Variants in RAPGEF2 observed in about 807,000 individuals in gnomAD.
RAPGEF2 encodes the protein PDZ domain containing guanine nucleotide exchange factor (GEF) 1.
A neutral mutation model predicts 186.7 loss-of-function variants in RAPGEF2; 54 were observed. The ratio of observed to expected loss-of-function variants is 0.29; its 90% confidence interval spans 0.23 to 0.36. The LOEUF (loss-of-function observed/expected upper bound fraction) is 0.36. Among genes scored for constraint, RAPGEF2 ranks in the 10% least tolerant of loss-of-function variants. The pLI, the probability that RAPGEF2 is intolerant of heterozygous loss-of-function variation, is 1.00. For missense variants in RAPGEF2, 1,532 were observed against 2,045.0 expected (o/e 0.75, Z 4.84); for synonymous variants, 712 against 705.9 (o/e 1.01, Z -0.14).
chr4:159,322,728 G>A (rs1448509817), intron 10 of RAPGEF2, among the ~76,000 whole-genome samples: 5 of 152,084 alleles, frequency 3.3e-5, no homozygotes, highest in Non-Finnish European at 5.9e-5. Flanking sequence ...CACGTGGCTG[G>A]GGAGGCCTCA....
At chr4:159,187,551 T>C (rs1747684825) in intron 2 of RAPGEF2, among the ~76,000 whole-genome samples, 1 of 152,224 alleles carries the variant, frequency 6.6e-6, no homozygotes, top group African/African-American at 2.4e-5. Context: ...GAATATTTTA[T>C]TGCATTAAGT....
chr4:159,253,338 C>T (rs908752513), intron 7 of RAPGEF2, among the ~76,000 whole-genome samples: 5 of 152,180 alleles, frequency 3.3e-5, no homozygotes, highest in African/African-American at 1.2e-4. Context: ...TTTACTTATG[C>T]ATACTTTTGT....
chr4:159,157,805 G>C (rs1293244206), intron 1 of RAPGEF2, among the ~76,000 whole-genome samples: 1 of 152,210 alleles, frequency 6.6e-6, no homozygotes, highest in East Asian at 1.9e-4. Context: ...GAATGTCATG[G>C]TTTAAGAAAG....
chr4:159,347,018 T>C lies in RAPGEF2; in HGVS notation c.3712+20T>C. 6.3e-7 allele frequency: 1 copy of C among 1,596,112 alleles called. No individual in the cohort carries two copies. Among genetic ancestry groups the C allele is most frequent in the Non-Finnish European group, 8.6e-7 (1 of 1,165,354 alleles). On this transcript the variant is annotated intron_variant, in intron 25 of 29. Coordinates refer to ENST00000691494, the MANE Select transcript of RAPGEF2 (RefSeq NM_001394067.2). Reference sequence around the variant, plus strand: ...CTTTTGGTAAGTGATTACATTCATTTCTTTTTTTGGTGCCATTCACTGTCA... The same window carrying C: ...CTTTTGGTAAGTGATTACATTCATTCCTTTTTTTGGTGCCATTCACTGTCA...
intron 2 of RAPGEF2, among the ~76,000 whole-genome samples, chr4:159,190,136 A>G (rs1045566967): frequency 6.6e-6 from 1 of 152,218 alleles, no homozygotes; most frequent in African/African-American, 2.4e-5. Flanking sequence ...GTGCAGGGAA[A>G]GGCAGGGTCC....
At chr4:159,108,513 A>G (rs1372651822) in intron 1 of RAPGEF2, among the ~76,000 whole-genome samples, 1 of 152,026 alleles carries the variant, frequency 6.6e-6, no homozygotes, top group Non-Finnish European at 1.5e-5. Context: ...TGTTTTTAAG[A>G]AAGGAAGGAT....
chr4:159,107,190 A>C (rs961067494), intron 1 of RAPGEF2, among the ~76,000 whole-genome samples: 1 of 152,184 alleles, frequency 6.6e-6, no homozygotes, highest in East Asian at 1.9e-4. Context: ...CCCTGAAAAC[A>C]TTCTACTGAT....
intron 1 of RAPGEF2, among the ~76,000 whole-genome samples, chr4:159,151,213 A>C (rs1324187975): frequency 6.6e-6 from 1 of 152,216 alleles, no homozygotes; most frequent in African/African-American, 2.4e-5. Flanking sequence ...AAAGTACTTT[A>C]AGTTATACCA....
intron 7 of RAPGEF2, among the ~76,000 whole-genome samples, chr4:159,301,397 A>C (rs529314251): frequency 6.6e-6 from 1 of 152,276 alleles, no homozygotes; most frequent in East Asian, 1.9e-4. Context: ...AATTAATAAT[A>C]GTATTGTTAT....
intron 7 of RAPGEF2, among the ~76,000 whole-genome samples, chr4:159,282,314 CT>C (rs1468975629): frequency 6.6e-6 from 1 of 152,134 alleles, no homozygotes; most frequent in African/African-American, 2.4e-5. Flanking sequence ...CACATTGATG[CT>C]GGTTTGCAAA....
intron 28 of RAPGEF2, among the ~76,000 whole-genome samples, chr4:159,354,502 C>T (rs922741562): frequency 2.6e-5 from 4 of 152,156 alleles, no homozygotes; most frequent in Non-Finnish European, 4.4e-5. Context: ...TTATTCTGCA[C>T]GCACATTGTT....
chr4:159,193,057 A>T, intron 2 of RAPGEF2, 143 bp from the exon 3 acceptor site: 1 of 410,606 alleles, frequency 2.4e-6, no homozygotes, highest in Non-Finnish European at 4.2e-6. Context: ...TATTAAAAAT[A>T]TTCATCTTGA....
intron 4 of RAPGEF2, among the ~76,000 whole-genome samples, chr4:159,222,475 T>C (rs1385155087): frequency 6.6e-6 from 1 of 152,220 alleles, no homozygotes. Context: ...TGCAGTGATG[T>C]TTATATTTCT....
At chr4:159,248,566 G>T (rs1200130165) in intron 7 of RAPGEF2, among the ~76,000 whole-genome samples, 1 of 152,192 alleles carries the variant, frequency 6.6e-6, no homozygotes, top group African/African-American at 2.4e-5. Flanking sequence ...ACAATACTGT[G>T]CTGTGTGTGC....
chr4:159,290,553 G>A (rs550719614), intron 7 of RAPGEF2, among the ~76,000 whole-genome samples: 1 of 152,312 alleles, frequency 6.6e-6, no homozygotes, highest in South Asian at 2.1e-4. Flanking sequence ...AATATTAAAA[G>A]TTTGTATTAA....
At chr4:159,230,329 ACAGCTATT>A (rs1752496283) in intron 4 of RAPGEF2, among the ~76,000 whole-genome samples, 1 of 152,198 alleles carries the variant, frequency 6.6e-6, no homozygotes, top group Non-Finnish European at 1.5e-5. Context: ...TTTCTGAAAG[ACAGCTATT>A]CATATGTGTG....
At chr4:159,110,820 ATAAAT>A (rs1181770597) in intron 1 of RAPGEF2, among the ~76,000 whole-genome samples, 1 of 152,114 alleles carries the variant, frequency 6.6e-6, no homozygotes, top group African/African-American at 2.4e-5. Context: ...TTTTGTTTAG[ATAAAT>A]TAATTGATGT....
At chr4:159,259,258 G>GAT (rs1250326424) in intron 7 of RAPGEF2, among the ~76,000 whole-genome samples, 2 of 152,242 alleles carry the variant, frequency 1.3e-5, no homozygotes, top group African/African-American at 4.8e-5. Flanking sequence ...GCCCAAAGGA[G>GAT]ATATATATCA....
chr4:159,195,875 G>GTTT (rs34827512), intron 3 of RAPGEF2, among the ~76,000 whole-genome samples: 1,586 of 94,142 alleles, frequency 0.017, 120 homozygotes, highest in Non-Finnish European at 0.023. Flanking sequence ...AAACATACCT[G>GTTT]TTTTTTTTTT....
Sources: gnomAD v4.1 joint callset for allele counts (sites outside exome capture counted in the v4.1 genomes callset) on GRCh38, gnomAD v4.1.1 for gene constraint, MANE v1.5 for transcripts, NCBI Gene and HGNC (gene_info 2026-07-23, HGNC 2026-07-21) for gene names.